Variants in TRIM23 observed in about 807,000 individuals in gnomAD.
TRIM23 encodes E3 ubiquitin-protein ligase TRIM23.
In TRIM23, 27 loss-of-function variants were observed where a neutral mutation model predicts 71.0. That is an observed-to-expected ratio of 0.38 (90% CI 0.28 to 0.52). The LOEUF is 0.52. Ranked by LOEUF, TRIM23 falls within the 20% of genes least tolerant of loss-of-function variation. TRIM23 has a pLI of 0.84. For missense variants in TRIM23, 482 were observed against 692.3 expected, an observed-to-expected ratio of 0.70 and a Z score of 3.41; for synonymous variants, 234 against 238.0, an observed-to-expected ratio of 0.98 and a Z score of 0.16.
rs1754414898 is a variant in TRIM23, at chr5:65,603,481, T to G, written c.1179+1430A>C. Among the ~76,000 whole-genome samples, 2 of 152,140 alleles carry G rather than the reference T, an allele frequency of 1.3e-5. 1 individual carries two copies. The highest frequency in any genetic ancestry group is 1.3e-4 in the Admixed American group (2 of 15,272). ...TATTCCACCTTTTAAATCCAAGTGG[T>G]GTGCATACAAATATATAAACATATG... On this transcript the variant is annotated intron_variant, in intron 7 of 10. Coordinates refer to ENST00000231524, the MANE Select transcript of TRIM23 (RefSeq NM_001656.4).
intron 8 of TRIM23, 114 bp downstream of exon 8, chr5:65,596,937 T>C: frequency 7.5e-7 from 1 of 1,336,854 alleles, no homozygotes; most frequent in Non-Finnish European, 1.0e-6. Flanking sequence ...TGCTGATATC[T>C]TAGAGCCAGA....
At chr5:65,622,255 T>G (rs746404950) in intron 1 of TRIM23, among the ~76,000 whole-genome samples, 1 of 152,224 alleles carries the variant, frequency 6.6e-6, no homozygotes, top group Non-Finnish European at 1.5e-5. Context: ...AACCTCCGCC[T>G]CCTGGGTTCA....
At position 65,596,682 on chromosome 5, in the gene TRIM23, T is replaced by C. The variant is rs1366701007; in HGVS notation, c.1310-151A>G. ...GAAGCCTAATCAACCCCATTCCTAC[T>C]CCTACGTGGTGAATGTATACCTGTA... On this transcript the variant is annotated intron_variant, in intron 8 of 10. Transcript: ENST00000231524. The C allele has an allele frequency of 2.9e-5, 18 of 620,986 alleles. No homozygotes were observed. The East Asian group carries it at 4.7e-4, about 16-fold the overall frequency. The allele number at this position is 620,986 out of a possible 1,614,324, so 38.5% of individuals were successfully genotyped here.
At chr5:65,598,662 C>T (rs1160915272) in intron 7 of TRIM23, among the ~76,000 whole-genome samples, 2 of 151,858 alleles carry the variant, frequency 1.3e-5, no homozygotes, top group East Asian at 1.9e-4. Context: ...GCAGAAGAAT[C>T]GCTTGAACCC....
chr5:65,603,399 G>A (rs565018066), intron 7 of TRIM23, among the ~76,000 whole-genome samples: 4 of 152,262 alleles, frequency 2.6e-5, no homozygotes, highest in African/African-American at 9.6e-5. Context: ...CTGCTACAGA[G>A]TGATGTTTAG....
At position 65,591,645 on chromosome 5, in the gene TRIM23, T is replaced by TTATG. The variant is rs1554124237; in HGVS notation, c.*123_*124insCATA. On this transcript the variant is annotated 3_prime_UTR_variant, in exon 11 of 11. Coordinates refer to ENST00000231524, the MANE Select transcript of TRIM23 (RefSeq NM_001656.4). ...ACTGAATTCCCAATCCAAGATTCCTTTATATATATATATATATATATGCAT... is the reference window on the plus strand; with the variant it reads ...ACTGAATTCCCAATCCAAGATTCCTTTATGTATATATATATATATATATATGCAT... The TTATG allele has an allele frequency of 1.1e-5, 8 of 717,300 alleles. No individual in the cohort carries two copies. Among genetic ancestry groups the TTATG allele is most frequent in the Non-Finnish European group, 1.5e-5 (8 of 535,104 alleles). The allele number at this position is 717,300 out of a possible 1,614,324, so 44.4% of individuals were successfully genotyped here.
chr5:65,617,812 T>C (rs960025032), intron 2 of TRIM23, among the ~76,000 whole-genome samples: 1 of 152,234 alleles, frequency 6.6e-6, no homozygotes, highest in African/African-American at 2.4e-5. Context: ...ATACACATTC[T>C]TATTTATTTG....
At chr5:65,602,103 C>T (rs1277821245) in intron 7 of TRIM23, among the ~76,000 whole-genome samples, 1 of 152,192 alleles carries the variant, frequency 6.6e-6, no homozygotes, top group Non-Finnish European at 1.5e-5. Flanking sequence ...GAATTTTTCC[C>T]CAGAAGATGG....
At chr5:65,623,626 T>C (rs139698988) in intron 1 of TRIM23, among the ~76,000 whole-genome samples, 7 of 152,298 alleles carry the variant, frequency 4.6e-5, no homozygotes, top group South Asian at 4.1e-4. Flanking sequence ...AAAGAGTTAA[T>C]AGACTGTACT....
At chr5:65,622,062 G>T (rs1209099811) in intron 1 of TRIM23, among the ~76,000 whole-genome samples, 2 of 151,822 alleles carry the variant, frequency 1.3e-5, no homozygotes, top group Non-Finnish European at 2.9e-5. Context: ...CAAACTCTGG[G>T]GCTCAAGCAA....
At chr5:65,604,813 T>C (rs967949501) in intron 7 of TRIM23, 98 bp downstream of exon 7, 9 of 1,224,450 alleles carry the variant, frequency 7.4e-6, no homozygotes, top group African/African-American at 1.5e-5. Context: ...CCCTAATTCA[T>C]GAATTTCATG....
At chr5:65,618,704 C>G (rs1295357996) in intron 1 of TRIM23, among the ~76,000 whole-genome samples, 1 of 152,170 alleles carries the variant, frequency 6.6e-6, no homozygotes, top group African/African-American at 2.4e-5. Context: ...ACAATTACCC[C>G]TGCAAATGAT....
Position 65,591,721 on chromosome 5 carries a change from CAA to C in TRIM23, c.*46_*47del, listed in dbSNP as rs1232267060. 1 of 1,554,826 alleles carries C rather than the reference CAA, an allele frequency of 6.4e-7. No individual in the cohort carries two copies. Among genetic ancestry groups the C allele is most frequent in the Admixed American group, 1.7e-5 (1 of 57,270 alleles). Reference sequence around the variant, plus strand: ...ATAATTTCTTAAAACATACTATGTGCAAAGTTACTTTTAACCACAAAACTTCA... The same window carrying C: ...ATAATTTCTTAAAACATACTATGTGCAGTTACTTTTAACCACAAAACTTCA... On this transcript the variant is annotated 3_prime_UTR_variant, in exon 11 of 11. Coordinates refer to ENST00000231524, the MANE Select transcript of TRIM23 (RefSeq NM_001656.4).
chr5:65,605,691 T>C (rs1754476301), intron 6 of TRIM23, among the ~76,000 whole-genome samples: 1 of 152,222 alleles, frequency 6.6e-6, no homozygotes, highest in Admixed American at 6.5e-5. Context: ...CTTTCCAGTT[T>C]CTTGAATATT....
At chr5:65,621,275 CTAA>C (rs1299965187) in intron 1 of TRIM23, among the ~76,000 whole-genome samples, 1 of 152,188 alleles carries the variant, frequency 6.6e-6, no homozygotes, top group East Asian at 1.9e-4. Flanking sequence ...TGGTATGAAC[CTAA>C]GAGGCGGAGC....
At chr5:65,601,222 C>G (rs1320948115) in intron 7 of TRIM23, among the ~76,000 whole-genome samples, 1 of 152,156 alleles carries the variant, frequency 6.6e-6, no homozygotes. Context: ...TCCCAGTAAA[C>G]CAAGAGGTGG....
chr5:65,590,402 T>C lies in TRIM23; in HGVS notation c.*1367A>G. 1.4e-6 allele frequency: 2 copies of C among 1,438,426 alleles called. No individual in the cohort carries two copies. The highest frequency in any genetic ancestry group is 1.8e-6 in the Non-Finnish European group (2 of 1,093,920). 89.1% of individuals were successfully genotyped at this position (1,438,426 alleles called of 1,614,324 possible). ...ATGCTTTGTTTTCTAAAACTTGTAT[T>C]GTTTTTAAACAAAAATAGATTTGAA... is the stretch of plus-strand genomic sequence containing the variant. On this transcript the variant is annotated 3_prime_UTR_variant, in exon 11 of 11. Coordinates refer to ENST00000231524, the MANE Select transcript of TRIM23 (RefSeq NM_001656.4).
intron 7 of TRIM23, among the ~76,000 whole-genome samples, chr5:65,601,810 G>C (rs898705621): frequency 6.6e-6 from 1 of 152,168 alleles, no homozygotes; most frequent in Non-Finnish European, 1.5e-5. Flanking sequence ...AGCTGCCAAG[G>C]CTTGGGGATT....
At position 65,591,066 on chromosome 5, in the gene TRIM23, TTTTATTACTGTTCAG is replaced by T. The variant is rs768652973; in HGVS notation, c.*688_*702del. Reference sequence around the variant, plus strand: ...AATTCAGATCCAATTACTTCCACAGTTTTATTACTGTTCAGTTTATTACTAACCTGACAAGCCTAA... The same window carrying T: ...AATTCAGATCCAATTACTTCCACAGTTTTATTACTAACCTGACAAGCCTAA... On this transcript the variant is annotated 3_prime_UTR_variant, in exon 11 of 11. Transcript: ENST00000231524. 32 of 997,886 alleles carry T rather than the reference TTTTATTACTGTTCAG, an allele frequency of 3.2e-5. No individual in the cohort carries two copies. The highest frequency in any genetic ancestry group is 3.8e-5 in the Non-Finnish European group (32 of 838,652). The allele number at this position is 997,886 out of a possible 1,614,324, so 61.8% of individuals were successfully genotyped here. A position where few individuals can be genotyped will look rare whatever the true frequency, so the allele number is the denominator to read the frequency against.
Sources: allele counts gnomAD v4.1 joint callset (sites outside exome capture counted in the v4.1 genomes callset), GRCh38; gene constraint gnomAD v4.1.1; transcripts MANE v1.5; gene names NCBI Gene and HGNC (gene_info 2026-07-23, HGNC 2026-07-21).